The following ATP6V1E2 variants were observed in gnomAD, a reference collection of about 807,000 sequenced individuals.
The protein encoded by ATP6V1E2 is V-type proton ATPase subunit E 2.
For missense variants in ATP6V1E2, 308 were observed against 273.3 expected (o/e 1.13, Z -0.90); for synonymous variants, 121 against 104.2 (o/e 1.16, Z -0.98).
At chr2:46,516,431 G>A (rs1006945020) in intron 4 of ATP6V1E2, among the ~76,000 whole-genome samples, 3 of 152,172 alleles carry the variant, frequency 2.0e-5, no homozygotes, top group Non-Finnish European at 4.4e-5. Flanking sequence ...GAACAACCAA[G>A]GGTTAAAGAA....
chr2:46,535,127 G>A lies in ATP6V1E2; in HGVS notation c.-102+686C>T, dbSNP rs948479444. ...CAGCATTTTTCAGCAGAAAGTTAGAGTGATAGGGTTTGCCCCATTTGTTCC... is the reference window on the plus strand; with the variant it reads ...CAGCATTTTTCAGCAGAAAGTTAGAATGATAGGGTTTGCCCCATTTGTTCC... On this transcript the variant is annotated intron_variant, in intron 4 of 4. Coordinates refer to ENST00000522587, the MANE Select transcript of ATP6V1E2 (RefSeq NM_001318063.2). The surrounding 1 kb of genome is among the most constrained non-coding windows in gnomAD (Gnocchi z 4.4). 1.3e-5 allele frequency: 2 copies of A among 152,204 alleles called. No homozygotes were observed. Among genetic ancestry groups the A allele is most frequent in the Admixed American group, 1.3e-4 (2 of 15,290 alleles). 9.4% of individuals were successfully genotyped at this position (152,204 alleles called of 1,614,324 possible). A position where few individuals can be genotyped will look rare whatever the true frequency, so the allele number is the denominator to read the frequency against.
Position 46,511,865 on chromosome 2 carries a change from G to T in ATP6V1E2, c.*166C>A. On this transcript the variant is annotated 3_prime_UTR_variant, in exon 5 of 5. Transcript: ENST00000522587. ...ATTTGAATTCTGAGCATTAATTTGG[G>T]CTTTATTTCAAAGTTAACACTTTAG... 1.7e-6 allele frequency: 1 copy of T among 594,574 alleles called. No individual in the cohort carries two copies. 36.8% of individuals were successfully genotyped at this position (594,574 alleles called of 1,614,324 possible). A position where few individuals can be genotyped will look rare whatever the true frequency, so the allele number is the denominator to read the frequency against.
Position 46,512,457 on chromosome 2 carries a change from T to C in ATP6V1E2, c.255A>G (p.Arg85=), listed in dbSNP as rs748948489. The C allele has an allele frequency of 2.5e-6, 4 of 1,614,160 alleles. No individual in the cohort carries two copies. Among genetic ancestry groups the C allele is most frequent in the Non-Finnish European group, 2.5e-6 (3 of 1,180,032 alleles). Residue 85 remains arginine (R), a synonymous_variant, in exon 5 of 5, where the codon AGA becomes AGG. Transcript: ENST00000522587. ...MRNQARLKVL[R]ARNDLISDLL... is the part of the protein sequence containing the mutation. ...AATCTGAGATGAGGTCATTTCGGGC[T>C]CTCAGGACTTTCAGCCTCGCCTGAT...
chr2:46,529,036 G>C (rs556675753), intron 4 of ATP6V1E2, among the ~76,000 whole-genome samples: 24 of 152,282 alleles, frequency 1.6e-4, no homozygotes, highest in Non-Finnish European at 2.8e-4. Flanking sequence ...AGGGGCCAAG[G>C]GTAGGTATGA....
At chr2:46,531,061 T>G (rs1285302712) in intron 4 of ATP6V1E2, among the ~76,000 whole-genome samples, 1 of 152,214 alleles carries the variant, frequency 6.6e-6, no homozygotes, top group Non-Finnish European at 1.5e-5. Flanking sequence ...TAAAGTAATA[T>G]TTCAGTAGCA....
intron 2 of ATP6V1E2, among the ~76,000 whole-genome samples, chr2:46,540,436 C>CAAAA (rs35794315): frequency 0.3 from 37,667 of 124,188 alleles, 6,224 homozygotes; most frequent in African/African-American, 0.38. Flanking sequence ...GACCCTATCT[C>CAAAA]AAAAAAAAAA....
At chr2:46,536,314 T>C (rs535441035) in intron 3 of ATP6V1E2, among the ~76,000 whole-genome samples, 4 of 152,376 alleles carry the variant, frequency 2.6e-5, no homozygotes, top group African/African-American at 9.6e-5. Flanking sequence ...TTTATCAGCG[T>C]GATCATTAGG....
chr2:46,527,117 T>C (rs532783459), intron 4 of ATP6V1E2, among the ~76,000 whole-genome samples: 5 of 152,188 alleles, frequency 3.3e-5, no homozygotes, highest in Admixed American at 2.0e-4. Context: ...TGTAGTGGCA[T>C]GATCATAGCT....
intron 2 of ATP6V1E2, among the ~76,000 whole-genome samples, chr2:46,538,544 G>A (rs1667562075): frequency 6.6e-6 from 1 of 151,914 alleles, no homozygotes. Flanking sequence ...TCAGAGAACA[G>A]TTGTGCAACA....
chr2:46,524,801 G>C (rs1572707420), intron 4 of ATP6V1E2, among the ~76,000 whole-genome samples: 1 of 152,316 alleles, frequency 6.6e-6, no homozygotes, highest in South Asian at 2.1e-4. Context: ...GTGGAGAGCA[G>C]GTGGGTTTGG....
intron 4 of ATP6V1E2, among the ~76,000 whole-genome samples, chr2:46,523,931 T>C (rs922741190): frequency 6.6e-6 from 1 of 152,190 alleles, no homozygotes; most frequent in African/African-American, 2.4e-5. Flanking sequence ...TAGTTTTCCT[T>C]GAAGAGGTCC....
intron 4 of ATP6V1E2, among the ~76,000 whole-genome samples, chr2:46,516,123 G>C (rs1687701081): frequency 6.6e-6 from 1 of 152,174 alleles, no homozygotes; most frequent in Admixed American, 6.5e-5. Flanking sequence ...AGAATATCCA[G>C]ACAGAAAATC....
At position 46,518,758 on chromosome 2, in the gene ATP6V1E2, T is replaced by TTGTGTGTGTGTG. The variant is rs70940621; in HGVS notation, c.-101-5958_-101-5947dup. Among the ~76,000 whole-genome samples the TTGTGTGTGTGTG allele has an allele frequency of 4.6e-3, 649 of 140,646 alleles. 6 individuals carry two copies. The highest frequency in any genetic ancestry group is 7.6e-3 in the Middle Eastern group (2 of 264). The allele number at this position is 140,646 out of a possible 152,430, so 92.3% of individuals were successfully genotyped here. A position where few individuals can be genotyped will look rare whatever the true frequency, so the allele number is the denominator to read the frequency against. The stretch of plus-strand genomic sequence containing the variant: ...TGCTCCTAAATAAGACAAGTCAATT[T>TTGTGTGTGTGTG]TGTGTGTGTGTGTGTGTGTGTGTGT... On this transcript the variant is annotated intron_variant, in intron 4 of 4. Transcript: ENST00000522587.
At chr2:46,539,855 T>G (rs1423893181) in intron 2 of ATP6V1E2, among the ~76,000 whole-genome samples, 2 of 152,230 alleles carry the variant, frequency 1.3e-5, no homozygotes, top group Non-Finnish European at 2.9e-5. Flanking sequence ...CCTGGACCTA[T>G]GTACTAATTG....
intron 4 of ATP6V1E2, among the ~76,000 whole-genome samples, chr2:46,520,324 G>C (rs1353543600): frequency 6.6e-6 from 1 of 152,230 alleles, no homozygotes; most frequent in African/African-American, 2.4e-5. Context: ...CCTGTGACTT[G>C]AGCAAAACAA....
At chr2:46,526,956 C>T (rs952351932) in intron 4 of ATP6V1E2, among the ~76,000 whole-genome samples, 15 of 152,180 alleles carry the variant, frequency 9.9e-5, no homozygotes, top group Admixed American at 3.3e-4. Flanking sequence ...ACATCTGCAC[C>T]ATTTTCCCCG....
At chr2:46,541,711 CA>C (rs1264118326) in intron 1 of ATP6V1E2, 1 of 152,270 alleles carries the variant, frequency 6.6e-6, no homozygotes, top group Non-Finnish European at 1.5e-5. Flanking sequence ...GGTGCGGTGT[CA>C]GCGCAGAGTG....
At chr2:46,520,517 C>A (rs887973132) in intron 4 of ATP6V1E2, among the ~76,000 whole-genome samples, 1 of 152,222 alleles carries the variant, frequency 6.6e-6, no homozygotes, top group South Asian at 2.1e-4. Flanking sequence ...GGGGCCTCCC[C>A]GCTAAAACAG....
At chr2:46,523,415 A>T (rs7606227) in intron 4 of ATP6V1E2, among the ~76,000 whole-genome samples, 6 of 151,978 alleles carry the variant, frequency 3.9e-5, no homozygotes, top group Non-Finnish European at 7.4e-5. Context: ...TTTTTACATA[A>T]GGTGTAAGGA....
Sources: gnomAD v4.1 joint callset for allele counts (sites outside exome capture counted in the v4.1 genomes callset) on GRCh38, gnomAD v4.1.1 for gene constraint, Gnocchi (gnomAD v3.1) non-coding constraint, MANE v1.5 for transcripts, NCBI Gene and HGNC (gene_info 2026-07-23, HGNC 2026-07-21) for gene names.